RBMS3: variants seen among roughly 807,000 people sequenced by gnomAD.
RBMS3 encodes RNA binding motif single stranded interacting protein 3, also known as RNA-binding motif, single-stranded-interacting protein 3.
A neutral mutation model predicts 66.8 loss-of-function variants in RBMS3; 27 were observed. The ratio of observed to expected loss-of-function variants is 0.40; its 90% CI spans 0.30 to 0.56. RBMS3 has a LOEUF of 0.56. Among genes scored for constraint, RBMS3 ranks in the 20% least tolerant of loss-of-function variants. The pLI, the probability that RBMS3 is intolerant of heterozygous loss-of-function variation, is 0.40. For synonymous variants in RBMS3, 188 were observed against 183.0 expected, an observed-to-expected ratio of 1.03 and a Z score of -0.22; for missense variants, 513 against 549.5, an observed-to-expected ratio of 0.93 and a Z score of 0.66.
At chr3:29,342,214 G>T (rs1302602279) in intron 1 of RBMS3, among the ~76,000 whole-genome samples, 10 of 152,048 alleles carry the variant, frequency 6.6e-5, no homozygotes, top group African/African-American at 2.4e-4. Context: ...TGGAAACCTG[G>T]TTTTCTTACC....
At chr3:29,321,922 T>C (rs1015286264) in intron 1 of RBMS3, among the ~76,000 whole-genome samples, 1 of 152,004 alleles carries the variant, frequency 6.6e-6, no homozygotes, top group Non-Finnish European at 1.5e-5. Flanking sequence ...AGAAAAAGCA[T>C]GTTTAGTGTG....
intron 8 of RBMS3, among the ~76,000 whole-genome samples, chr3:29,885,214 C>G (rs1455114197): frequency 2.6e-5 from 4 of 151,840 alleles, no homozygotes; most frequent in African/African-American, 9.7e-5. Context: ...AAGAGGCTCA[C>G]AATCTACTCG....
At chr3:29,797,516 C>T (rs1227342436) in intron 6 of RBMS3, 1 of 152,222 alleles carries the variant, frequency 6.6e-6, no homozygotes. Context: ...CATGTGTTCA[C>T]TGCAGTTGCA....
chr3:29,816,888 G>C (rs558143427), intron 6 of RBMS3, among the ~76,000 whole-genome samples: 3 of 152,034 alleles, frequency 2.0e-5, no homozygotes, highest in South Asian at 4.2e-4. Context: ...TCAGGAGTTC[G>C]AGACCAGCCT....
chr3:29,491,747 A>C (rs921242627), intron 3 of RBMS3, among the ~76,000 whole-genome samples: 1 of 152,202 alleles, frequency 6.6e-6, no homozygotes, highest in Non-Finnish European at 1.5e-5. Context: ...TAATCCCAGC[A>C]CTTTGGGAGG....
chr3:29,495,617 A>G (rs1304419754), intron 3 of RBMS3, among the ~76,000 whole-genome samples: 2 of 151,402 alleles, frequency 1.3e-5, no homozygotes, highest in Non-Finnish European at 2.9e-5. Flanking sequence ...ACAAGGTTTC[A>G]CCATGTGGGC....
intron 1 of RBMS3, among the ~76,000 whole-genome samples, chr3:29,304,057 G>A (rs1402818491): frequency 3.3e-5 from 5 of 151,942 alleles, no homozygotes; most frequent in African/African-American, 9.7e-5. Context: ...CACAACATAT[G>A]GGAACTGTAG....
intron 4 of RBMS3, among the ~76,000 whole-genome samples, chr3:29,722,614 G>T (rs1397608951): frequency 6.6e-6 from 1 of 152,100 alleles, no homozygotes; most frequent in Non-Finnish European, 1.5e-5. Context: ...AGATTCGTAA[G>T]TCTCTCAGTG....
chr3:29,865,530 TATC>T (rs1444996315), intron 6 of RBMS3, among the ~76,000 whole-genome samples: 1 of 152,216 alleles, frequency 6.6e-6, no homozygotes, highest in Non-Finnish European at 1.5e-5. Flanking sequence ...ATCTGGAAAT[TATC>T]AGAGAAGGTT....
At chr3:29,984,825 T>C (rs1258297171) in intron 12 of RBMS3, among the ~76,000 whole-genome samples, 1 of 152,018 alleles carries the variant, frequency 6.6e-6, no homozygotes, top group Non-Finnish European at 1.5e-5. Context: ...CTGTATGAGG[T>C]GTCTGCCAGT....
chr3:29,974,481 A>G (rs1335785605), intron 12 of RBMS3, among the ~76,000 whole-genome samples: 1 of 151,916 alleles, frequency 6.6e-6, no homozygotes. Flanking sequence ...AAAATACACA[A>G]TTCACAAATT....
At chr3:29,711,277 G>A (rs1455148844) in intron 4 of RBMS3, among the ~76,000 whole-genome samples, 2 of 152,190 alleles carry the variant, frequency 1.3e-5, no homozygotes, top group Non-Finnish European at 2.9e-5. Flanking sequence ...TGAAATCACA[G>A]ATAAGAGGAG....
intron 10 of RBMS3, among the ~76,000 whole-genome samples, chr3:29,923,843 A>G (rs535563156): frequency 7.2e-5 from 11 of 152,282 alleles, no homozygotes; most frequent in African/African-American, 1.4e-4. Flanking sequence ...GTGAATACCA[A>G]TTAGTAGACA....
chr3:29,864,906 AAGAGAGAGAGAGGAAGGAAGGAAGAG>A (rs2059313162), intron 6 of RBMS3, among the ~76,000 whole-genome samples: 3 of 89,250 alleles, frequency 3.4e-5, no homozygotes, highest in Admixed American at 1.0e-4. Flanking sequence ...AGGAAGGAGG[AAGAGAGAGAGAGGAAGGAAGGAAGAG>A]AGAGAGAGGA....
chr3:29,809,094 A>G (rs1266982961), intron 6 of RBMS3, among the ~76,000 whole-genome samples: 1 of 151,964 alleles, frequency 6.6e-6, no homozygotes, highest in Admixed American at 6.6e-5. Flanking sequence ...CGTTTATTTC[A>G]TAACAGTCAA....
intron 2 of RBMS3, among the ~76,000 whole-genome samples, chr3:29,438,052 C>CTCTCTCTT (rs2041471185): frequency 6.6e-6 from 1 of 151,880 alleles, no homozygotes; most frequent in Admixed American, 6.6e-5. Flanking sequence ...CTCTCTCTCT[C>CTCTCTCTT]TCTCTCTCTC....
intron 3 of RBMS3, among the ~76,000 whole-genome samples, chr3:29,539,502 A>G (rs1321299000): frequency 6.6e-6 from 1 of 152,184 alleles, no homozygotes; most frequent in African/African-American, 2.4e-5. Flanking sequence ...ACCTCCCTCC[A>G]GCTTATTACA....
intron 6 of RBMS3, among the ~76,000 whole-genome samples, chr3:29,770,720 C>T (rs528459003): frequency 2.8e-4 from 42 of 152,124 alleles, no homozygotes; most frequent in African/African-American, 9.9e-4. Context: ...TGCCTTCTGT[C>T]AGCATCACTA....
At chr3:29,545,297 A>G (rs2045912114) in intron 3 of RBMS3, among the ~76,000 whole-genome samples, 2 of 152,156 alleles carry the variant, frequency 1.3e-5, no homozygotes, top group South Asian at 2.1e-4. Context: ...TCCAGATTAT[A>G]CGATTAGAAA....
Sources: gnomAD v4.1 joint callset for allele counts (sites outside exome capture counted in the v4.1 genomes callset) on GRCh38, gnomAD v4.1.1 for gene constraint, MANE v1.5 for transcripts, NCBI Gene and HGNC (gene_info 2026-07-23, HGNC 2026-07-21) for gene names.